The following COX7B variants were observed in gnomAD, a reference collection of about 807,000 sequenced individuals.
COX7B encodes cytochrome c oxidase subunit 7B.
Under a neutral mutation model 7.9 loss-of-function variants are expected in COX7B, and 2 were observed. The observed-to-expected ratio is 0.25, with a 90% confidence interval of 0.10 to 0.79. The LOEUF (loss-of-function observed/expected upper bound fraction) is 0.79. Ranked by LOEUF, COX7B falls within the 30% of genes least tolerant of loss-of-function variation. The probability of loss-of-function intolerance (pLI) is 0.69; values close to 1 mark genes in which losing one functional copy is unlikely to be tolerated. For synonymous variants in COX7B, 19 were observed against 21.1 expected (o/e 0.90, Z 0.27); for missense variants, 54 against 62.7 (o/e 0.86, Z 0.47).
chrX:77,899,502 A>T lies in COX7B; in HGVS notation c.-52A>T. On this transcript the variant is annotated 5_prime_UTR_variant, in exon 1 of 3. Transcript: ENST00000650309. ...CTCACTTCAAGGGTACCTGAAGCGA[A>T]TTGGCACCAAAGCAGCAGCTGTATT... The T allele has an allele frequency of 8.4e-7, 1 of 1,196,237 alleles. No individual in the cohort carries two copies. Among genetic ancestry groups the T allele is most frequent in the Non-Finnish European group, 1.1e-6 (1 of 881,934 alleles).
At position 77,905,368 on chromosome X, in the gene COX7B, G is replaced by A; in HGVS notation, c.*107G>A. The A allele has an allele frequency of 1.8e-6, 1 of 556,848 alleles. No individual in the cohort carries two copies. The highest frequency in any genetic ancestry group is 3.0e-5 in the South Asian group (1 of 33,486). The allele number at this position is 556,848 out of a possible 1,213,427, so 45.9% of individuals were successfully genotyped here. ...GATATGGCATTATTGAAGAAATAAA[G>A]TACATTTGAAACCTTCATTGTAGGT... On this transcript the variant is annotated 3_prime_UTR_variant, in exon 3 of 3. Coordinates refer to ENST00000650309, the MANE Select transcript of COX7B (RefSeq NM_001866.3).
intron 2 of COX7B, among the ~76,000 whole-genome samples, chrX:77,903,924 G>T (rs200259080): frequency 2.3e-3 from 209 of 89,433 alleles, no homozygotes; most frequent in Middle Eastern, 6.1e-3. Flanking sequence ...TTTTTTTTTT[G>T]TTTTGTTTTT....
In COX7B at chrX:77,907,280, C is replaced by G. The variant is rs1282792481; in HGVS notation, c.*2019C>G. On this transcript the variant is annotated 3_prime_UTR_variant, in exon 3 of 3. Coordinates refer to ENST00000650309, the MANE Select transcript of COX7B (RefSeq NM_001866.3). ...TATGGTATTTCATATTTAGAATGTT[C>G]AAAATAGTACTGAAGTATTCAAATA... The G allele has an allele frequency of 8.9e-6, 1 of 111,744 alleles. No homozygotes were observed. The highest frequency in any genetic ancestry group is 3.2e-5 in the African/African-American group (1 of 30,811). The allele number at this position is 111,744 out of a possible 1,213,427, so 9.2% of individuals were successfully genotyped here.
rs782461448 is a variant in COX7B at position 77,905,980 on chromosome X, T to A, written c.*719T>A. The A allele has an allele frequency of 8.9e-6, 1 of 111,842 alleles. No homozygotes were observed. The highest frequency in any genetic ancestry group is 9.5e-5 in the Admixed American group (1 of 10,509). The allele number at this position is 111,842 out of a possible 1,213,427, so 9.2% of individuals were successfully genotyped here. On this transcript the variant is annotated 3_prime_UTR_variant, in exon 3 of 3. Coordinates refer to ENST00000650309, the MANE Select transcript of COX7B (RefSeq NM_001866.3). ...TTGTATTTTTAGTAGAGACAGGGTT[T>A]CACCATATTGGTCAGGCTGGTTTCA...
At position 77,902,779 on chromosome X, in the gene COX7B, T is replaced by C; in HGVS notation, c.165+12T>C. Reference sequence around the variant, plus strand: ...TTACATGGACATATGTAAGTACTATTGATTAATAATTTCTGTTTCAGATGT... The same window carrying C: ...TTACATGGACATATGTAAGTACTATCGATTAATAATTTCTGTTTCAGATGT... On this transcript the variant is annotated intron_variant, in intron 2 of 2. Transcript: ENST00000650309. The C allele has an allele frequency of 8.3e-7, 1 of 1,200,968 alleles. No individual in the cohort carries two copies. Among genetic ancestry groups the C allele is most frequent in the Non-Finnish European group, 1.1e-6 (1 of 888,434 alleles).
At chrX:77,899,679 A>T (rs2077115795) in intron 1 of COX7B, 86 bp downstream of exon 1, 2 of 912,747 alleles carry the variant, frequency 2.2e-6, no homozygotes, top group African/African-American at 3.9e-5. Flanking sequence ...TTTTACGAAC[A>T]TCTCGGCCTT....
rs375464412 is a variant in COX7B, at chrX:77,901,503, C to T, written c.41-1140C>T. On this transcript the variant is annotated intron_variant, in intron 1 of 2. Transcript: ENST00000650309. ...TTTCCAGTCTCGGCTGTTTCCCAAG[C>T]CCTCCTTTTTAGTTCTTCCAGGGGC... Among the ~76,000 whole-genome samples, 5 of 109,714 alleles carry T rather than the reference C, an allele frequency of 4.6e-5. No individual in the cohort carries two copies. The South Asian group carries it at 1.9e-3, about 42-fold the overall frequency.
At chrX:77,904,049 C>A (rs1185283666) in intron 2 of COX7B, among the ~76,000 whole-genome samples, 43 of 105,776 alleles carry the variant, frequency 4.1e-4, no homozygotes, top group Non-Finnish European at 7.8e-5. Context: ...CCTCCTGCCT[C>A]AGCCTTCCGA....
intron 1 of COX7B, chrX:77,901,981 C>G (rs1378882006): frequency 8.9e-6 from 1 of 111,849 alleles, no homozygotes; most frequent in Non-Finnish European, 1.9e-5. Flanking sequence ...AGCGATCCTC[C>G]TACCTTGGCC....
rs34296412 is a variant in COX7B at position 77,905,481 on chromosome X, GTTTTTTTTTTTTT to G, written c.*235_*247del. 6 of 67,822 alleles carry G rather than the reference GTTTTTTTTTTTTT, an allele frequency of 8.8e-5. No individual in the cohort carries two copies. Among genetic ancestry groups the G allele is most frequent in the Admixed American group, 2.6e-4 (1 of 3,774 alleles). 5.6% of individuals were successfully genotyped at this position (67,822 alleles called of 1,213,427 possible). On this transcript the variant is annotated 3_prime_UTR_variant, in exon 3 of 3. Coordinates refer to ENST00000650309, the MANE Select transcript of COX7B (RefSeq NM_001866.3). ...AAATGCTGTGCAGCTTCTTAAATAGGTTTTTTTTTTTTTTTTTTTTTTTTTTTGGGACGAAGTC... is the reference window on the plus strand; with the variant it reads ...AAATGCTGTGCAGCTTCTTAAATAGGTTTTTTTTTTTTTTGGGACGAAGTC...
chrX:77,903,910 T>C (rs1557220846), intron 2 of COX7B, among the ~76,000 whole-genome samples: 1 of 108,064 alleles, frequency 9.3e-6, no homozygotes, highest in Admixed American at 9.9e-5. Flanking sequence ...CTGAAGTCTG[T>C]GTTTTTTTTT....
chrX:77,902,136 G>A (rs1557220687), intron 1 of COX7B, among the ~76,000 whole-genome samples: 2 of 111,822 alleles, frequency 1.8e-5, no homozygotes, highest in African/African-American at 6.5e-5. Context: ...TTAATTTGAA[G>A]TTCATTTGAG....
intron 1 of COX7B, 60 bp from the exon 2 acceptor site, chrX:77,902,583 G>A: frequency 8.5e-7 from 1 of 1,172,891 alleles, no homozygotes; most frequent in Non-Finnish European, 1.2e-6. Flanking sequence ...AATCACATAT[G>A]TTTTCTTTAC....
chrX:77,901,449 GAA>G (rs1187913202), intron 1 of COX7B, among the ~76,000 whole-genome samples: 2 of 100,292 alleles, frequency 2.0e-5, no homozygotes, highest in Non-Finnish European at 4.1e-5. Context: ...TGGACAGGAA[GAA>G]AAAAAAAAAC....
In COX7B at chrX:77,902,646, G is replaced by A. The variant is rs2077123474; in HGVS notation, c.44G>A (p.Arg15Gln). 5.8e-6 allele frequency: 7 copies of A among 1,208,599 alleles called. No homozygotes were observed. The highest frequency in any genetic ancestry group is 7.8e-6 in the Non-Finnish European group (7 of 894,781). The change falls in exon 2 of 3, where the codon CGA becomes CAA. Residue 15 changes from arginine (R) to glutamine (Q), a missense_variant. Physicochemically the swap from Arg to Gln is conservative, Grantham distance 43 (BLOSUM62 1). Transcript: ENST00000650309. ...TCTTTTTTCGTTTTCCTGTAAGTTC[G>A]AAGCATTCAGCAAACAATGGCAAGG... ...VKSALNRLQV[R>Q]SIQQTMARQS... is the part of the protein sequence containing the mutation.
rs34296412 is a variant in COX7B, at chrX:77,905,481, GTTTTTTTTTTTT to G, written c.*236_*247del. 18 of 67,805 alleles carry G rather than the reference GTTTTTTTTTTTT, an allele frequency of 2.7e-4. No individual in the cohort carries two copies. Among genetic ancestry groups the G allele is most frequent in the South Asian group, 1.9e-3 (5 of 2,685 alleles). The allele number at this position is 67,805 out of a possible 1,213,427, so 5.6% of individuals were successfully genotyped here. On this transcript the variant is annotated 3_prime_UTR_variant, in exon 3 of 3. Transcript: ENST00000650309. ...AAATGCTGTGCAGCTTCTTAAATAG[GTTTTTTTTTTTT>G]TTTTTTTTTTTTTTTGGGACGAAGT...
In COX7B at chrX:77,903,842, C is replaced by T. The variant is rs782063393; in HGVS notation, c.165+1075C>T. Among the ~76,000 whole-genome samples, 3 of 108,460 alleles carry T rather than the reference C, an allele frequency of 2.8e-5. No homozygotes were observed. The South Asian group carries it at 1.1e-3, about 42-fold the overall frequency. The allele number at this position is 108,460 out of a possible 115,157, so 94.2% of individuals were successfully genotyped here. A position where few individuals can be genotyped will look rare whatever the true frequency, so the allele number is the denominator to read the frequency against. ...TTTTTATATTTTAGTTTCTTTACAT[C>T]TTACATTTAACAATCTATCTTTCAG... On this transcript the variant is annotated intron_variant, in intron 2 of 2. Coordinates refer to ENST00000650309, the MANE Select transcript of COX7B (RefSeq NM_001866.3).
chrX:77,899,471 T>A lies in COX7B; in HGVS notation c.-83T>A. ...GATCCCGGCTGAAAGCCATTTTGTTTTTCAGCTCACTTCAAGGGTACCTGA... is the reference window on the plus strand; with the variant it reads ...GATCCCGGCTGAAAGCCATTTTGTTATTCAGCTCACTTCAAGGGTACCTGA... On this transcript the variant is annotated 5_prime_UTR_variant, in exon 1 of 3. Coordinates refer to ENST00000650309, the MANE Select transcript of COX7B (RefSeq NM_001866.3). 9.3e-7 allele frequency: 1 copy of A among 1,071,916 alleles called. No homozygotes were observed. Among genetic ancestry groups the A allele is most frequent in the Non-Finnish European group, 1.3e-6 (1 of 773,817 alleles). The allele number at this position is 1,071,916 out of a possible 1,213,427, so 88.3% of individuals were successfully genotyped here.
intron 2 of COX7B, among the ~76,000 whole-genome samples, chrX:77,903,379 A>G (rs1424572641): frequency 9.2e-6 from 1 of 108,655 alleles, no homozygotes; most frequent in Non-Finnish European, 1.9e-5. Context: ...TTTTTAGTAG[A>G]GACGGGGTTT....
Sources: gnomAD v4.1 joint callset for allele counts (sites outside exome capture counted in the v4.1 genomes callset) on GRCh38, gnomAD v4.1.1 for gene constraint, MANE v1.5 for transcripts, NCBI Gene and HGNC (gene_info 2026-07-23, HGNC 2026-07-21) for gene names.